Variants in CDH12 observed in about 807,000 individuals in gnomAD.
CDH12 encodes the protein cadherin-12.
In CDH12, 41 loss-of-function variants were observed where a neutral mutation model predicts 74.1. The observed-to-expected ratio is 0.55, with a 90% CI of 0.43 to 0.72. The LOEUF (loss-of-function observed/expected upper bound fraction) is 0.72. Ranked by LOEUF, CDH12 falls within the 30% of genes least tolerant of loss-of-function variation. The probability of loss-of-function intolerance (pLI) is 0.00; values close to 1 mark genes in which losing one functional copy is unlikely to be tolerated. For synonymous variants in CDH12, 399 were observed against 355.0 expected, an observed-to-expected ratio of 1.12 and a Z score of -1.39; for missense variants, 945 against 977.2, an observed-to-expected ratio of 0.97 and a Z score of 0.44.
intron 1 of CDH12, among the ~76,000 whole-genome samples, chr5:22,830,412 C>T (rs1046496934): frequency 2.0e-5 from 3 of 151,888 alleles, no homozygotes; most frequent in African/African-American, 4.8e-5. Context: ...TTATCCTGTA[C>T]TGTGAATGAA....
rs767060379 is a variant in CDH12 at position 22,845,507 on chromosome 5, C to A, written c.-523+7551G>T. On this transcript the variant is annotated intron_variant, in intron 1 of 14. Transcript: ENST00000382254. ...AAATGGATTGAGGGCTGCTATGTGC[C>A]CTCTATGTGCGACTATTATAGGGCT... Among the ~76,000 whole-genome samples, 30 of 152,036 alleles carry A rather than the reference C, an allele frequency of 2.0e-4. 1 individual carries two copies. Among genetic ancestry groups the A allele is most frequent in the Admixed American group, 3.9e-4 (6 of 15,240 alleles).
At chr5:22,558,346 GGAA>G (rs1198270640) in intron 1 of CDH12, among the ~76,000 whole-genome samples, 1 of 152,060 alleles carries the variant, frequency 6.6e-6, no homozygotes, top group Non-Finnish European at 1.5e-5. Context: ...CCTGCCAAAA[GGAA>G]GAAGAGGTTG....
At chr5:22,694,626 A>C (rs538911471) in intron 1 of CDH12, among the ~76,000 whole-genome samples, 10 of 152,000 alleles carry the variant, frequency 6.6e-5, no homozygotes, top group Non-Finnish European at 1.3e-4. Context: ...TTAATTGAAG[A>C]GTTACTTTTT....
chr5:22,254,097 G>A (rs527412893), intron 3 of CDH12, among the ~76,000 whole-genome samples: 1 of 151,668 alleles, frequency 6.6e-6, no homozygotes, highest in Non-Finnish European at 1.5e-5. Context: ...CTGTTTTTAG[G>A]CCTGCTAGAG....
intron 1 of CDH12, among the ~76,000 whole-genome samples, chr5:22,687,603 T>A (rs1223955468): frequency 6.6e-6 from 1 of 152,018 alleles, no homozygotes; most frequent in Non-Finnish European, 1.5e-5. Flanking sequence ...TTTGTAGCGA[T>A]GGGGATTTTC....
intron 4 of CDH12, among the ~76,000 whole-genome samples, chr5:22,135,791 G>A: frequency 6.6e-6 from 1 of 151,966 alleles, no homozygotes; most frequent in East Asian, 1.9e-4. Flanking sequence ...ATTTGTAGCA[G>A]GTTTGTTTGG....
At chr5:22,417,087 C>T (rs1252045399) in intron 2 of CDH12, among the ~76,000 whole-genome samples, 2 of 151,918 alleles carry the variant, frequency 1.3e-5, no homozygotes, top group Non-Finnish European at 2.9e-5. Context: ...TCTTATTTAC[C>T]AATTAGATAT....
chr5:21,829,297 T>C (rs1748871822), intron 8 of CDH12, among the ~76,000 whole-genome samples: 1 of 152,148 alleles, frequency 6.6e-6, no homozygotes, highest in South Asian at 2.1e-4. Flanking sequence ...AGAGATTCCA[T>C]TTCAAAATAA....
At chr5:22,195,551 T>C (rs1229814738) in intron 4 of CDH12, among the ~76,000 whole-genome samples, 1 of 152,230 alleles carries the variant, frequency 6.6e-6, no homozygotes, top group Non-Finnish European at 1.5e-5. Context: ...AAAACAATTA[T>C]TATTTTTCCT....
At chr5:22,398,854 TC>T (rs979129250) in intron 3 of CDH12, among the ~76,000 whole-genome samples, 4 of 152,122 alleles carry the variant, frequency 2.6e-5, no homozygotes, top group Non-Finnish European at 4.4e-5. Context: ...GATGGTTGGC[TC>T]CTATGTAAGC....
At chr5:21,783,290 G>T in intron 11 of CDH12, 68 bp downstream of exon 11, 1 of 1,353,540 alleles carries the variant, frequency 7.4e-7, no homozygotes, top group Non-Finnish European at 1.0e-6. Context: ...TCTCAGCAGG[G>T]ACTCATTTAA....
intron 5 of CDH12, among the ~76,000 whole-genome samples, chr5:22,020,171 G>C (rs1344616030): frequency 6.6e-6 from 1 of 152,148 alleles, no homozygotes; most frequent in East Asian, 1.9e-4. Flanking sequence ...GACAGGGTAT[G>C]TTAGTTGGCT....
At chr5:22,226,866 T>C (rs1752212121) in intron 3 of CDH12, among the ~76,000 whole-genome samples, 1 of 152,112 alleles carries the variant, frequency 6.6e-6, no homozygotes, top group African/African-American at 2.4e-5. Context: ...CCTTAATCTC[T>C]GTGCTTTCAC....
intron 4 of CDH12, among the ~76,000 whole-genome samples, chr5:22,154,405 T>C (rs1200271936): frequency 7.1e-6 from 1 of 141,722 alleles, no homozygotes; most frequent in Non-Finnish European, 1.6e-5. Context: ...AACCCCAGTT[T>C]ACACACACAC....
chr5:22,231,322 T>C (rs907017773), intron 3 of CDH12, among the ~76,000 whole-genome samples: 2 of 152,092 alleles, frequency 1.3e-5, no homozygotes, highest in African/African-American at 4.8e-5. Context: ...GAGTGAGATA[T>C]TATTAAGCAC....
At chr5:21,896,843 G>A (rs1268948016) in intron 6 of CDH12, among the ~76,000 whole-genome samples, 1 of 152,068 alleles carries the variant, frequency 6.6e-6, no homozygotes, top group Non-Finnish European at 1.5e-5. Context: ...GAGTTTATTG[G>A]CTTATTTATT....
At chr5:22,273,243 TATA>T (rs1736483304) in intron 3 of CDH12, among the ~76,000 whole-genome samples, 1 of 152,042 alleles carries the variant, frequency 6.6e-6, no homozygotes, top group Non-Finnish European at 1.5e-5. Context: ...CATCAACAGA[TATA>T]ATAATAATGA....
intron 1 of CDH12, among the ~76,000 whole-genome samples, chr5:22,681,495 C>A (rs952874975): frequency 6.6e-6 from 1 of 151,966 alleles, no homozygotes; most frequent in Non-Finnish European, 1.5e-5. Context: ...ATAAGGGCTG[C>A]AAGATCGGGA....
intron 13 of CDH12, among the ~76,000 whole-genome samples, chr5:21,759,876 CTTGT>C (rs575323397): frequency 9.9e-4 from 151 of 152,004 alleles, no homozygotes; most frequent in African/African-American, 3.3e-3. Context: ...TTGTTGTTTC[CTTGT>C]TTGAGTTCCT....
Sources: allele counts gnomAD v4.1 joint callset (sites outside exome capture counted in the v4.1 genomes callset), GRCh38; gene constraint gnomAD v4.1.1; transcripts MANE v1.5; gene names NCBI Gene and HGNC (gene_info 2026-07-23, HGNC 2026-07-21).